Variants in DLEC1 observed in about 807,000 individuals in gnomAD.
The protein encoded by DLEC1 is DLEC1 cilia and flagella associated protein, also known as deleted in lung and esophageal cancer protein 1.
A neutral mutation model predicts 198.1 loss-of-function variants in DLEC1; 146 were observed. The observed-to-expected ratio is 0.74, with a 90% CI of 0.64 to 0.85. The LOEUF (loss-of-function observed/expected upper bound fraction) is 0.85. Among genes scored for constraint, DLEC1 ranks in the 40% least tolerant of loss-of-function variants. The pLI is 0.00. For missense variants in DLEC1, 2,233 were observed against 2,220.0 expected (o/e 1.01, Z -0.12); for synonymous variants, 897 against 866.8 (o/e 1.03, Z -0.61).
chr3:38,090,316 C>T (rs1006689564), intron 10 of DLEC1, among the ~76,000 whole-genome samples: 1 of 152,202 alleles, frequency 6.6e-6, no homozygotes, highest in African/African-American at 2.4e-5. Context: ...TTCTGAATGC[C>T]CTTCCAGAGA....
At chr3:38,061,694 G>T (rs2125611429) in intron 3 of DLEC1, among the ~76,000 whole-genome samples, 1 of 152,188 alleles carries the variant, frequency 6.6e-6, no homozygotes, top group South Asian at 2.1e-4. Context: ...TTGAGACCGG[G>T]TCTTGCTTTG....
At chr3:38,071,514 C>T (rs1697315809) in intron 6 of DLEC1, among the ~76,000 whole-genome samples, 2 of 152,084 alleles carry the variant, frequency 1.3e-5, no homozygotes, top group African/African-American at 4.8e-5. Flanking sequence ...GAACTATTTG[C>T]CTTGTGTGGG....
chr3:38,074,870 A>C (rs2125642162), intron 6 of DLEC1, among the ~76,000 whole-genome samples: 1 of 152,320 alleles, frequency 6.6e-6, no homozygotes, highest in East Asian at 1.9e-4. Context: ...ACGCTGACTG[A>C]TTTGAGAGAG....
chr3:38,121,582 G>A (rs1700463454), intron 34 of DLEC1, 46 bp from the exon 35 acceptor site: 3 of 1,589,228 alleles, frequency 1.9e-6, no homozygotes, highest in Non-Finnish European at 2.6e-6. Context: ...AGAGGCCCTG[G>A]CTCAGAGCCC....
At chr3:38,066,148 A>G (rs1454292008) in intron 6 of DLEC1, among the ~76,000 whole-genome samples, 1 of 152,194 alleles carries the variant, frequency 6.6e-6, no homozygotes, top group Non-Finnish European at 1.5e-5. Flanking sequence ...ATCAGTTATG[A>G]ATGGCATCAG....
At chr3:38,048,547 T>A (rs921400398) in intron 2 of DLEC1, among the ~76,000 whole-genome samples, 1 of 152,212 alleles carries the variant, frequency 6.6e-6, no homozygotes, top group Admixed American at 6.5e-5. Flanking sequence ...CCCTGTAAGG[T>A]AGGTTTTCTT....
intron 6 of DLEC1, 71 bp from the exon 7 acceptor site, chr3:38,084,085 GTA>G: frequency 6.9e-7 from 1 of 1,443,018 alleles, no homozygotes; most frequent in Non-Finnish European, 9.7e-7. Flanking sequence ...TCATATTAGA[GTA>G]AATCCTGGAC....
At chr3:38,107,441 G>C (rs1357207982) in intron 19 of DLEC1, 143 bp from the exon 20 acceptor site, 3 of 786,342 alleles carry the variant, frequency 3.8e-6, no homozygotes, top group Non-Finnish European at 5.6e-6. Context: ...CTGAAACTTT[G>C]CCGAACCCAC....
chr3:38,067,216 A>G (rs997337618), intron 6 of DLEC1, among the ~76,000 whole-genome samples: 1 of 152,226 alleles, frequency 6.6e-6, no homozygotes, highest in Admixed American at 6.5e-5. Flanking sequence ...ATAAAGTGTA[A>G]GGATAAAAAC....
At chr3:38,118,489 TATTCTC>T (rs978666049) in intron 33 of DLEC1, among the ~76,000 whole-genome samples, 1 of 152,234 alleles carries the variant, frequency 6.6e-6, no homozygotes, top group African/African-American at 2.4e-5. Flanking sequence ...TCTTCTGACT[TATTCTC>T]AGTGACAATT....
chr3:38,104,094 A>G (rs1000889203), intron 19 of DLEC1, among the ~76,000 whole-genome samples: 1 of 152,230 alleles, frequency 6.6e-6, no homozygotes, highest in Non-Finnish European at 1.5e-5. Flanking sequence ...GTATCTGTGA[A>G]GTACAATAAA....
chr3:38,058,158 A>G (rs1415911189), intron 2 of DLEC1, among the ~76,000 whole-genome samples: 1 of 152,156 alleles, frequency 6.6e-6, no homozygotes, highest in Non-Finnish European at 1.5e-5. Flanking sequence ...AGTATACTTA[A>G]ATTACACATC....
At chr3:38,085,135 T>C (rs1187390123) in intron 7 of DLEC1, 139 bp from the exon 8 acceptor site, 1 of 893,538 alleles carries the variant, frequency 1.1e-6, no homozygotes, top group Non-Finnish European at 1.8e-6. Context: ...CATGCCCTTT[T>C]CCTGCCATCA....
Position 38,058,335 on chromosome 3 carries a change from C to T in DLEC1, c.563-1407C>T, listed in dbSNP as rs558410122. On this transcript the variant is annotated intron_variant, in intron 2 of 36. Transcript: ENST00000308059. ...AGTCCTGATCCCCTGTGTGACACCACTTTCTGGTGCTCTAGGTTGCCCCGC... is the reference window on the plus strand; with the variant it reads ...AGTCCTGATCCCCTGTGTGACACCATTTTCTGGTGCTCTAGGTTGCCCCGC... Among the ~76,000 whole-genome samples, 12 of 152,298 alleles carry T rather than the reference C, an allele frequency of 7.9e-5. No homozygotes were observed. In the East Asian group the frequency reaches 2.1e-3, roughly 27 times the overall value.
chr3:38,054,704 T>C (rs1696261583), intron 2 of DLEC1, among the ~76,000 whole-genome samples: 1 of 152,230 alleles, frequency 6.6e-6, no homozygotes, highest in East Asian at 1.9e-4. Flanking sequence ...AAAAGAATGG[T>C]GTTCTTTGCA....
chr3:38,099,769 C>T (rs1035806066), intron 18 of DLEC1, among the ~76,000 whole-genome samples: 9 of 3,958 alleles, frequency 2.3e-3, no homozygotes, highest in South Asian at 0.012. Flanking sequence ...AGGAGCAGAC[C>T]GGGGGCGGGG....
intron 12 of DLEC1, among the ~76,000 whole-genome samples, chr3:38,094,655 G>T (rs1336291653): frequency 6.6e-6 from 1 of 152,200 alleles, no homozygotes; most frequent in Non-Finnish European, 1.5e-5. Flanking sequence ...TGGCTGGGAA[G>T]CGAGGAGCTC....
chr3:38,074,847 A>T (rs1402687162), intron 6 of DLEC1, among the ~76,000 whole-genome samples: 1 of 152,238 alleles, frequency 6.6e-6, no homozygotes, highest in African/African-American at 2.4e-5. Flanking sequence ...GGGTCTGATG[A>T]GAAAGAGCCT....
intron 27 of DLEC1, 61 bp downstream of exon 27, chr3:38,115,114 G>T: frequency 6.3e-7 from 1 of 1,591,808 alleles, no homozygotes; most frequent in Non-Finnish European, 8.6e-7. Context: ...TGGTGAGCCA[G>T]GCTGGGAGGG....
Sources: allele counts gnomAD v4.1 joint callset (sites outside exome capture counted in the v4.1 genomes callset), GRCh38; gene constraint gnomAD v4.1.1; transcripts MANE v1.5; gene names NCBI Gene and HGNC (gene_info 2026-07-23, HGNC 2026-07-21).